Variants in TBC1D4 observed in about 807,000 individuals in gnomAD.
TBC1D4 encodes the protein TBC (Tre-2, BUB2, CDC16) domain-containing protein.
TBC1D4 carries 121 observed loss-of-function variants against 142.5 expected under a neutral mutation model. The ratio of observed to expected loss-of-function variants is 0.85; its 90% CI spans 0.73 to 0.99. The LOEUF is 0.99. Ranked by LOEUF, TBC1D4 falls within the 50% of genes least tolerant of loss-of-function variation. The pLI, the probability that TBC1D4 is intolerant of heterozygous loss-of-function variation, is 0.00. For synonymous variants in TBC1D4, 630 were observed against 628.2 expected (o/e 1.00, Z -0.04); for missense variants, 1,475 against 1,606.6 (o/e 0.92, Z 1.40).
At chr13:75,411,654 T>C (rs971973724) in intron 1 of TBC1D4, among the ~76,000 whole-genome samples, 11 of 152,056 alleles carry the variant, frequency 7.2e-5, no homozygotes, top group Non-Finnish European at 1.6e-4. Context: ...GCCTCCCAAG[T>C]AGCTGGGACT....
intron 1 of TBC1D4, among the ~76,000 whole-genome samples, chr13:75,472,279 T>A (rs1190567212): frequency 7.0e-6 from 1 of 143,840 alleles, no homozygotes; most frequent in African/African-American, 2.6e-5. Flanking sequence ...ATTAGCTGGG[T>A]GTGCTGGCAG....
At chr13:75,448,424 C>A (rs1033710156) in intron 1 of TBC1D4, among the ~76,000 whole-genome samples, 17 of 151,906 alleles carry the variant, frequency 1.1e-4, no homozygotes, top group African/African-American at 7.3e-5. Flanking sequence ...AAAAAATTAG[C>A]CAGACGTGGT....
intron 15 of TBC1D4, among the ~76,000 whole-genome samples, chr13:75,303,948 T>C (rs1241722718): frequency 2.0e-5 from 3 of 152,210 alleles, no homozygotes; most frequent in African/African-American, 7.2e-5. Flanking sequence ...CCTTTTCTTT[T>C]GAAGCTCTCC....
chr13:75,359,382 AC>A (rs1316790927), intron 3 of TBC1D4, among the ~76,000 whole-genome samples: 5 of 152,238 alleles, frequency 3.3e-5, no homozygotes, highest in Admixed American at 3.3e-4. Context: ...ACTACCTACT[AC>A]GGTATAAAGA....
At chr13:75,413,419 C>T (rs534225381) in intron 1 of TBC1D4, among the ~76,000 whole-genome samples, 10 of 152,284 alleles carry the variant, frequency 6.6e-5, no homozygotes, top group Non-Finnish European at 7.4e-5. Flanking sequence ...CTCGGTCTCC[C>T]AAAGTGCTGG....
At chr13:75,410,179 T>C (rs1316281673) in intron 1 of TBC1D4, among the ~76,000 whole-genome samples, 1 of 152,234 alleles carries the variant, frequency 6.6e-6, no homozygotes, top group African/African-American at 2.4e-5. Context: ...ATTACTATGT[T>C]TGATATATTC....
chr13:75,306,949 C>A (rs1163329704), intron 14 of TBC1D4, among the ~76,000 whole-genome samples: 1 of 152,178 alleles, frequency 6.6e-6, no homozygotes, highest in Middle Eastern at 3.4e-3. Flanking sequence ...TTCCCATGTT[C>A]GTTATTTTCT....
chr13:75,423,255 G>GT (rs540221672), intron 1 of TBC1D4, among the ~76,000 whole-genome samples: 11,580 of 148,546 alleles, frequency 0.078, 534 homozygotes, highest in African/African-American at 0.14. Flanking sequence ...GTATGTAAGT[G>GT]TTTTTTTTTT....
At chr13:75,365,395 C>T (rs1474065428) in intron 1 of TBC1D4, among the ~76,000 whole-genome samples, 2 of 151,722 alleles carry the variant, frequency 1.3e-5, no homozygotes, top group Non-Finnish European at 2.9e-5. Flanking sequence ...ATTATACAGC[C>T]CCTGACTACT....
chr13:75,455,931 C>G (rs1032114255), intron 1 of TBC1D4, among the ~76,000 whole-genome samples: 41 of 151,872 alleles, frequency 2.7e-4, no homozygotes, highest in African/African-American at 9.7e-4. Context: ...ACTCAAGAAG[C>G]AAAAGGACTT....
intron 1 of TBC1D4, among the ~76,000 whole-genome samples, chr13:75,382,297 G>C (rs1197924567): frequency 1.3e-5 from 2 of 152,294 alleles, no homozygotes; most frequent in East Asian, 3.9e-4. Flanking sequence ...CCAATTTGGA[G>C]ACTAAGCATC....
At chr13:75,373,379 C>T (rs1883320868) in intron 1 of TBC1D4, among the ~76,000 whole-genome samples, 1 of 152,178 alleles carries the variant, frequency 6.6e-6, no homozygotes, top group South Asian at 2.1e-4. Context: ...GTATACCTCC[C>T]TTCTTCAAAG....
Position 75,306,349 on chromosome 13 carries a change from A to T in TBC1D4, c.2716T>A (p.Cys906Ser). ...AGAGTATGAATATCTTCCATATCAC[A>T]TCTGATTTTAGCTCTGCAGTTTAAC... Reference protein sequence around the residue: ...KLLNCRAKIRCDMEDIHTLLK... With the variant: ...KLLNCRAKIRSDMEDIHTLLK... Residue 906 changes from cysteine (C) to serine (S), a missense_variant, in exon 15 of 21, where the codon TGT becomes AGT. By Grantham distance (112) the Cys-to-Ser change is moderately radical. Coordinates refer to ENST00000377636, the MANE Select transcript of TBC1D4 (RefSeq NM_014832.5). The T allele has an allele frequency of 6.2e-7, 1 of 1,612,718 alleles. No individual in the cohort carries two copies. Among genetic ancestry groups the T allele is most frequent in the Non-Finnish European group, 8.5e-7 (1 of 1,179,720 alleles).
chr13:75,428,089 C>T (rs1011863301), intron 1 of TBC1D4, among the ~76,000 whole-genome samples: 8 of 152,088 alleles, frequency 5.3e-5, no homozygotes, highest in Non-Finnish European at 2.9e-5. Flanking sequence ...GCATTCTCTA[C>T]AGGTATTAAA....
intron 9 of TBC1D4, 107 bp from the exon 10 acceptor site, chr13:75,326,530 C>A: frequency 8.5e-7 from 1 of 1,178,386 alleles, no homozygotes; most frequent in South Asian, 1.3e-5. Flanking sequence ...CCTCCTGAGT[C>A]ATGACAAAAC....
Position 75,299,391 on chromosome 13 carries a change from T to G in TBC1D4, c.3095A>C (p.Lys1032Thr). The G allele has an allele frequency of 6.2e-7, 1 of 1,614,118 alleles. No individual in the cohort carries two copies. The highest frequency in any genetic ancestry group is 8.5e-7 in the Non-Finnish European group (1 of 1,180,010). The change falls in exon 17 of 21, where the codon AAA (lysine) becomes ACA (threonine). Residue 1032 changes from lysine to threonine, a missense_variant. Around this residue, in one of 2 missense-constraint regions of TBC1D4, gnomAD observed 248 missense variants for 338.9 expected, o/e 0.73. Coordinates refer to ENST00000377636, the MANE Select transcript of TBC1D4 (RefSeq NM_014832.5). ...MSEEQAFEMLKFLMYDLGFRK... is the reference protein window; with the variant it reads ...MSEEQAFEMLTFLMYDLGFRK... ...GAAGCCGAGGTCATACATGAGGAAT[T>G]TCAGCATTTCAAAGGCTTGCTCTTC...
intron 5 of TBC1D4, among the ~76,000 whole-genome samples, chr13:75,348,022 T>G (rs1474306832): frequency 2.0e-5 from 3 of 152,070 alleles, no homozygotes; most frequent in Non-Finnish European, 4.4e-5. Flanking sequence ...ACACCTGTTG[T>G]CCCAATTACT....
chr13:75,407,013 G>A (rs58569573), intron 1 of TBC1D4, among the ~76,000 whole-genome samples: 2 of 152,228 alleles, frequency 1.3e-5, no homozygotes, highest in African/African-American at 2.4e-5. Context: ...TCAGGCATTC[G>A]TGATAAACTG....
intron 8 of TBC1D4, among the ~76,000 whole-genome samples, chr13:75,331,141 A>G (rs1879709511): frequency 6.6e-6 from 1 of 152,170 alleles, no homozygotes; most frequent in Non-Finnish European, 1.5e-5. Context: ...AAGACAATGG[A>G]TATTACTCTG....
Sources: allele counts gnomAD v4.1 joint callset (sites outside exome capture counted in the v4.1 genomes callset), GRCh38; gene constraint gnomAD v4.1.1; regional missense constraint gnomAD v4.1.1; transcripts MANE v1.5; gene names NCBI Gene and HGNC (gene_info 2026-07-23, HGNC 2026-07-21).